Variants in PPIL1 observed in about 807,000 individuals in gnomAD.
PPIL1 encodes the protein peptidyl-prolyl cis-trans isomerase-like 1.
A neutral mutation model predicts 19.4 loss-of-function variants in PPIL1; 14 were observed. The observed-to-expected ratio is 0.72, with a 90% CI of 0.48 to 1.13. The LOEUF is 1.13. Ranked by LOEUF, PPIL1 falls within the 50% of genes most tolerant of loss-of-function variation. The probability of loss-of-function intolerance (pLI) is 0.00; values close to 1 mark genes in which losing one functional copy is unlikely to be tolerated. For missense variants in PPIL1, 192 were observed against 218.0 expected, an observed-to-expected ratio of 0.88 and a Z score of 0.75; for synonymous variants, 72 against 73.6, an observed-to-expected ratio of 0.98 and a Z score of 0.11.
At chr6:36,872,229 T>TAA (rs1774526549) in intron 1 of PPIL1, among the ~76,000 whole-genome samples, 1 of 152,090 alleles carries the variant, frequency 6.6e-6, no homozygotes, top group African/African-American at 2.4e-5. Flanking sequence ...TTCTTACACT[T>TAA]AATTTTTAAT....
intron 2 of PPIL1, among the ~76,000 whole-genome samples, chr6:36,864,341 A>G (rs1774353474): frequency 6.6e-6 from 1 of 152,028 alleles, no homozygotes; most frequent in Admixed American, 6.5e-5. Context: ...CTACTCTCTG[A>G]GCTATCTCCT....
At chr6:36,858,052 A>T (rs183084685) in intron 2 of PPIL1, among the ~76,000 whole-genome samples, 208 of 151,192 alleles carry the variant, frequency 1.4e-3, no homozygotes, top group Non-Finnish European at 2.3e-3. Context: ...ACATAGTGAA[A>T]CCCCCATCTC....
At chr6:36,872,613 A>AC (rs1554133442) in intron 1 of PPIL1, among the ~76,000 whole-genome samples, 4 of 147,038 alleles carry the variant, frequency 2.7e-5, no homozygotes, top group Non-Finnish European at 6.0e-5. Flanking sequence ...GGATGTGACA[A>AC]TTTTTTTTTT....
chr6:36,863,824 C>T (rs1169161548), intron 2 of PPIL1, among the ~76,000 whole-genome samples: 1 of 151,732 alleles, frequency 6.6e-6, no homozygotes. Flanking sequence ...CTCGATGTCA[C>T]CCTTCTGCTT....
At chr6:36,859,808 C>T (rs958120668) in intron 2 of PPIL1, among the ~76,000 whole-genome samples, 2 of 98,018 alleles carry the variant, frequency 2.0e-5, no homozygotes, top group Non-Finnish European at 4.2e-5. Flanking sequence ...GACCTGTTTT[C>T]TATTGTGTGT....
At chr6:36,870,264 C>G (rs1774481967) in intron 2 of PPIL1, among the ~76,000 whole-genome samples, 1 of 152,114 alleles carries the variant, frequency 6.6e-6, no homozygotes, top group Non-Finnish European at 1.5e-5. Flanking sequence ...AAGAAGCAGA[C>G]TGAGAAGCAA....
chr6:36,862,462 C>T (rs1561846632), intron 2 of PPIL1, among the ~76,000 whole-genome samples: 1 of 152,250 alleles, frequency 6.6e-6, no homozygotes, highest in Non-Finnish European at 1.5e-5. Context: ...CTTACTGATA[C>T]AAACAGAAGT....
intron 1 of PPIL1, among the ~76,000 whole-genome samples, chr6:36,872,863 G>C (rs1774545989): frequency 6.6e-6 from 1 of 152,164 alleles, no homozygotes; most frequent in Admixed American, 6.5e-5. Flanking sequence ...ACCTGCCTTG[G>C]CCTCCCAAAG....
intron 1 of PPIL1, among the ~76,000 whole-genome samples, chr6:36,873,379 T>C (rs1380445068): frequency 1.3e-5 from 2 of 152,222 alleles, no homozygotes; most frequent in Non-Finnish European, 2.9e-5. Context: ...TATGGGCAGC[T>C]ACCTGAATTA....
rs1774136065 is a variant in PPIL1, at chr6:36,854,842, T to G, written c.*971A>C. On this transcript the variant is annotated 3_prime_UTR_variant, in exon 4 of 4. Transcript: ENST00000373699. ...CCACAGCAGCAATTTCAACCATCAA[T>G]GGCATTTTATTGTGGAAGTTTCTAT... The G allele has an allele frequency of 6.6e-6, 1 of 152,658 alleles. No homozygotes were observed. The highest frequency in any genetic ancestry group is 6.5e-5 in the Admixed American group (1 of 15,286). 9.5% of individuals were successfully genotyped at this position (152,658 alleles called of 1,614,324 possible). A position where few individuals can be genotyped will look rare whatever the true frequency, so the allele number is the denominator to read the frequency against.
At chr6:36,869,955 A>C (rs752781063) in intron 2 of PPIL1, among the ~76,000 whole-genome samples, 2 of 152,212 alleles carry the variant, frequency 1.3e-5, no homozygotes, top group Non-Finnish European at 2.9e-5. Flanking sequence ...ACCAAAAGTT[A>C]ACACTGTTCC....
chr6:36,872,458 A>C (rs1320417057), intron 1 of PPIL1, among the ~76,000 whole-genome samples: 1 of 152,188 alleles, frequency 6.6e-6, no homozygotes, highest in Non-Finnish European at 1.5e-5. Flanking sequence ...ACAAAGGCAA[A>C]ACCTGGTAAC....
chr6:36,865,988 TGA>T (rs1452879893), intron 2 of PPIL1, among the ~76,000 whole-genome samples: 1 of 152,070 alleles, frequency 6.6e-6, no homozygotes, highest in Admixed American at 6.5e-5. Context: ...GAAATCAAAG[TGA>T]GAGTGACGCA....
rs370157244 is a variant in PPIL1 at position 36,860,442 on chromosome 6, C to CA, written c.212-3789dup. The stretch of plus-strand genomic sequence containing the variant: ...GCGCCATTGCACTCCTGTCTGTCTC[C>CA]AAAAAAAAAGAGATTCTTTTCCTCT... On this transcript the variant is annotated intron_variant, in intron 2 of 3. Coordinates refer to ENST00000373699, the MANE Select transcript of PPIL1 (RefSeq NM_016059.5). Among the ~76,000 whole-genome samples, 816 of 149,994 alleles carry CA rather than the reference C, an allele frequency of 5.4e-3. 8 individuals carry two copies. Among genetic ancestry groups the CA allele is most frequent in the African/African-American group, 0.017 (686 of 40,980 alleles).
intron 1 of PPIL1, among the ~76,000 whole-genome samples, chr6:36,872,914 T>A (rs1774547596): frequency 6.6e-6 from 1 of 152,228 alleles, no homozygotes; most frequent in Admixed American, 6.5e-5. Flanking sequence ...TGGCCAGATG[T>A]GAGAATTGAG....
chr6:36,873,127 A>T (rs1391414311), intron 1 of PPIL1, among the ~76,000 whole-genome samples: 1 of 152,252 alleles, frequency 6.6e-6, no homozygotes, highest in Non-Finnish European at 1.5e-5. Context: ...ATTCTGGAGG[A>T]TATTTTCAAA....
At chr6:36,858,195 T>C (rs558244188) in intron 2 of PPIL1, among the ~76,000 whole-genome samples, 40 of 134,310 alleles carry the variant, frequency 3.0e-4, no homozygotes, top group African/African-American at 1.1e-3. Context: ...GATCATGCCA[T>C]TGCACTCCAG....
intron 2 of PPIL1, among the ~76,000 whole-genome samples, chr6:36,861,356 G>A (rs565663593): frequency 6.6e-6 from 1 of 152,128 alleles, no homozygotes; most frequent in East Asian, 1.9e-4. Context: ...CTCTGTGAAC[G>A]GCCACTCAGT....
At position 36,855,994 on chromosome 6, in the gene PPIL1, G is replaced by A; in HGVS notation, c.320C>T (p.Thr107Ile). 6.2e-7 allele frequency: 1 copy of A among 1,614,242 alleles called. No homozygotes were observed. Among genetic ancestry groups the A allele is most frequent in the Non-Finnish European group, 8.5e-7 (1 of 1,180,050 alleles). ...GGTCACAAAGAACTGGCTGCCATTG[G>A]TATCTGGCCCCGCATTGGCCATTGC... ...ILAMANAGPDTNGSQFFVTLA... is the reference protein window; with the variant it reads ...ILAMANAGPDINGSQFFVTLA... The change falls in exon 4 of 4, where the codon ACC becomes ATC. Residue 107 changes from threonine to isoleucine, a missense_variant. Thr to Ile is a moderately conservative substitution (Grantham distance 89). Coordinates refer to ENST00000373699, the MANE Select transcript of PPIL1 (RefSeq NM_016059.5).
Sources: gnomAD v4.1 joint callset for allele counts (sites outside exome capture counted in the v4.1 genomes callset) on GRCh38, gnomAD v4.1.1 for gene constraint, MANE v1.5 for transcripts, NCBI Gene and HGNC (gene_info 2026-07-23, HGNC 2026-07-21) for gene names.